CCDC181: variants seen among roughly 807,000 people sequenced by gnomAD.
CCDC181 encodes the protein coiled-coil domain-containing protein 181.
CCDC181 carries 35 observed loss-of-function variants against 58.7 expected under a neutral mutation model. The ratio of observed to expected loss-of-function variants is 0.60; its 90% CI spans 0.46 to 0.79. The LOEUF is 0.79. Ranked by LOEUF, CCDC181 falls within the 30% of genes least tolerant of loss-of-function variation. CCDC181 has a pLI of 0.00. For synonymous variants in CCDC181, 183 were observed against 197.5 expected (o/e 0.93, Z 0.62); for missense variants, 517 against 583.9 (o/e 0.89, Z 1.18).
chr1:169,415,939 G>A (rs958144785), intron 4 of CCDC181, among the ~76,000 whole-genome samples: 11 of 152,106 alleles, frequency 7.2e-5, no homozygotes, highest in African/African-American at 2.2e-4. Context: ...CCTGAAAACC[G>A]GATAAATTTC....
intron 4 of CCDC181, among the ~76,000 whole-genome samples, chr1:169,404,685 G>C (rs1175945298): frequency 1.3e-5 from 2 of 152,078 alleles, no homozygotes; most frequent in African/African-American, 2.4e-5. Flanking sequence ...CTATTTATGA[G>C]AAATCCACAG....
rs1656442851 is a variant in CCDC181 at position 169,421,348 on chromosome 1, C to A, written c.1068+15G>T. 6.4e-7 allele frequency: 1 copy of A among 1,556,410 alleles called. No homozygotes were observed. Among genetic ancestry groups the A allele is most frequent in the Non-Finnish European group, 8.8e-7 (1 of 1,141,876 alleles). On this transcript the variant is annotated intron_variant, in intron 3 of 5. Coordinates refer to ENST00000367806, the MANE Select transcript of CCDC181 (RefSeq NM_001300969.2). ...CATACTCTACTTTTAATATAATGCC[C>A]ACTTAGGTTCTCACCTCTCTTTTCA... is the stretch of plus-strand genomic sequence containing the variant.
chr1:169,454,907 G>C (rs1361917373), intron 2 of CCDC181, among the ~76,000 whole-genome samples: 1 of 151,802 alleles, frequency 6.6e-6, no homozygotes, highest in African/African-American at 2.4e-5. Context: ...TTACATACTT[G>C]ATTTTGAGCT....
intron 4 of CCDC181, among the ~76,000 whole-genome samples, chr1:169,406,885 A>G (rs1428705272): frequency 2.6e-5 from 4 of 152,104 alleles, no homozygotes; most frequent in Non-Finnish European, 5.9e-5. Context: ...TAACAGTGGA[A>G]TGAACATTGC....
chr1:169,449,525 AG>A (rs1657473455), intron 2 of CCDC181, among the ~76,000 whole-genome samples: 2 of 152,246 alleles, frequency 1.3e-5, no homozygotes, highest in Non-Finnish European at 2.9e-5. Context: ...CTGCAAACTG[AG>A]GAGCAAGGAA....
chr1:169,443,012 G>A (rs1333030529), intron 2 of CCDC181: 1 of 151,610 alleles, frequency 6.6e-6, no homozygotes, highest in Non-Finnish European at 1.5e-5. Context: ...GTGTCTATAT[G>A]TGTATTATAT....
intron 4 of CCDC181, among the ~76,000 whole-genome samples, chr1:169,417,148 G>A (rs1475442597): frequency 1.3e-5 from 2 of 152,070 alleles, no homozygotes; most frequent in East Asian, 3.9e-4. Context: ...ACACCAGCTG[G>A]GTATCCTACA....
intron 2 of CCDC181, chr1:169,443,531 A>C (rs1457963727): frequency 6.6e-6 from 1 of 152,144 alleles, no homozygotes; most frequent in Non-Finnish European, 1.5e-5. Context: ...CCCTCTGTTT[A>C]TAAGTGGTGC....
intron 2 of CCDC181, among the ~76,000 whole-genome samples, chr1:169,458,030 G>C (rs1020344600): frequency 6.6e-6 from 1 of 152,124 alleles, no homozygotes; most frequent in Admixed American, 6.5e-5. Context: ...ATTTAAGATT[G>C]ACTAAAATTA....
chr1:169,404,136 C>T (rs1014017197), intron 4 of CCDC181, among the ~76,000 whole-genome samples: 14 of 152,146 alleles, frequency 9.2e-5, no homozygotes, highest in East Asian at 1.9e-4. Flanking sequence ...CCTGAATAGA[C>T]GAATAACAGG....
intron 4 of CCDC181, among the ~76,000 whole-genome samples, chr1:169,399,063 T>C (rs9783117): frequency 0.14 from 20,612 of 152,182 alleles, 2,846 homozygotes; most frequent in East Asian, 0.78. Context: ...AGGGAAGTAG[T>C]AGGGATCAGG....
intron 2 of CCDC181, 64 bp from the exon 3 acceptor site, chr1:169,422,377 G>T: frequency 8.3e-7 from 1 of 1,202,850 alleles, no homozygotes; most frequent in Non-Finnish European, 1.1e-6. Flanking sequence ...CATACAAAAT[G>T]GGATTTTTCC....
chr1:169,401,939 AAC>A (rs1187500566), intron 4 of CCDC181, among the ~76,000 whole-genome samples: 1 of 152,192 alleles, frequency 6.6e-6, no homozygotes, highest in East Asian at 1.9e-4. Flanking sequence ...AACTAGAATA[AAC>A]AGTGTAGAGG....
intron 4 of CCDC181, among the ~76,000 whole-genome samples, chr1:169,402,753 G>GAGCA (rs1655421819): frequency 6.6e-6 from 1 of 152,090 alleles, no homozygotes; most frequent in South Asian, 2.1e-4. Context: ...ATCAACTAAC[G>GAGCA]AGCAAAATAA....
chr1:169,431,158 T>C (rs1326322453), upstream of CCDC181, among the ~76,000 whole-genome samples: 1 of 152,208 alleles, frequency 6.6e-6, no homozygotes, highest in Admixed American at 6.5e-5. Flanking sequence ...CCTATTCTCC[T>C]GCCTCACTAC....
Position 169,418,293 on chromosome 1 carries a change from C to A in CCDC181, c.1215+720G>T, listed in dbSNP as rs1457529598. Among the ~76,000 whole-genome samples the A allele has an allele frequency of 2.6e-5, 4 of 151,882 alleles. No homozygotes were observed. In the East Asian group the frequency reaches 7.7e-4, roughly 29 times the overall value. ...GGCTTAATAAATTAACACTGTAATA[C>A]CATGCAGCTATTTGAAAAAGAGAGA... On this transcript the variant is annotated intron_variant, in intron 4 of 5. Transcript: ENST00000367806.
chr1:169,454,211 A>G lies in CCDC181; in HGVS notation c.-24+5586T>C, dbSNP rs138229132. Among the ~76,000 whole-genome samples the G allele has an allele frequency of 5.9e-3, 903 of 152,190 alleles. 10 individuals are homozygous for G. Among genetic ancestry groups the G allele is most frequent in the African/African-American group, 0.021 (862 of 41,540 alleles). On this transcript the variant is annotated intron_variant, in intron 2 of 6. Transcript: ENST00000545005. ...TTTTAATAAGGAGAAAATGAAATCT[A>G]TATTTCAACACTATTGGAATATATA...
intron 2 of CCDC181, among the ~76,000 whole-genome samples, chr1:169,435,768 T>G (rs751130874): frequency 3.3e-5 from 5 of 152,224 alleles, no homozygotes; most frequent in Admixed American, 2.0e-4. Flanking sequence ...TTTAAAATTA[T>G]GTGTGGAATT....
intron 4 of CCDC181, among the ~76,000 whole-genome samples, chr1:169,402,098 T>C (rs1466816404): frequency 6.6e-6 from 1 of 151,850 alleles, no homozygotes; most frequent in African/African-American, 2.4e-5. Context: ...AGAAGAGAAG[T>C]TTAGAGAAAA....
Sources: allele counts gnomAD v4.1 joint callset (sites outside exome capture counted in the v4.1 genomes callset), GRCh38; gene constraint gnomAD v4.1.1; transcripts MANE v1.5; gene names NCBI Gene and HGNC (gene_info 2026-07-23, HGNC 2026-07-21).